ELOVL4: variants seen among roughly 807,000 people sequenced by gnomAD.
ELOVL4 encodes the protein ELOVL fatty acid elongase 4, also known as very long chain fatty acid elongase 4.
A neutral mutation model predicts 42.1 loss-of-function variants in ELOVL4; 18 were observed. The observed-to-expected ratio is 0.43, with a 90% CI of 0.30 to 0.63. The LOEUF is 0.63. Among genes scored for constraint, ELOVL4 ranks in the 30% least tolerant of loss-of-function variants. The probability of loss-of-function intolerance (pLI) is 0.15; values close to 1 mark genes in which losing one functional copy is unlikely to be tolerated. For missense variants in ELOVL4, 299 were observed against 376.2 expected, an observed-to-expected ratio of 0.79 and a Z score of 1.70; for synonymous variants, 117 against 127.0, an observed-to-expected ratio of 0.92 and a Z score of 0.53.
chr6:79,947,102 G>C, intron 1 of ELOVL4, 78 bp downstream of exon 1: 1 of 1,230,494 alleles, frequency 8.1e-7, no homozygotes, highest in Non-Finnish European at 1.2e-6. Flanking sequence ...TGTGGGGCCG[G>C]GCCCGGGAGC....
intron 5 of ELOVL4, among the ~76,000 whole-genome samples, chr6:79,917,674 A>T (rs910712878): frequency 1.3e-5 from 2 of 152,146 alleles, no homozygotes; most frequent in Non-Finnish European, 2.9e-5. Flanking sequence ...ACAAAAAATT[A>T]GCCAGGTGTG....
chr6:79,932,545 CCTT>C (rs759261126), intron 1 of ELOVL4, among the ~76,000 whole-genome samples: 11 of 142,616 alleles, frequency 7.7e-5, no homozygotes, highest in Non-Finnish European at 1.6e-4. Context: ...GAGAGAGACT[CCTT>C]CTCAAAAAAA....
At chr6:79,944,481 A>C (rs2127702872) in intron 1 of ELOVL4, among the ~76,000 whole-genome samples, 1 of 152,350 alleles carries the variant, frequency 6.6e-6, no homozygotes, top group Admixed American at 6.5e-5. Flanking sequence ...CTAAAAGTAT[A>C]GCTCTTTCAA....
intron 1 of ELOVL4, among the ~76,000 whole-genome samples, chr6:79,940,020 G>A (rs1012633488): frequency 2.0e-5 from 3 of 152,114 alleles, no homozygotes; most frequent in African/African-American, 7.2e-5. Flanking sequence ...CATCTGGGTC[G>A]TTTCCACCTC....
intron 1 of ELOVL4, among the ~76,000 whole-genome samples, chr6:79,932,937 G>C (rs1476493206): frequency 6.6e-6 from 1 of 152,138 alleles, no homozygotes; most frequent in Non-Finnish European, 1.5e-5. Context: ...AGGGAGAAAA[G>C]TCTTTTTTCA....
intron 1 of ELOVL4, among the ~76,000 whole-genome samples, chr6:79,938,297 C>T (rs1474462280): frequency 6.6e-6 from 1 of 152,152 alleles, no homozygotes; most frequent in Non-Finnish European, 1.5e-5. Context: ...TGCCAATGAA[C>T]TCAAAGCTTT....
At chr6:79,917,836 A>T (rs1299006401) in intron 5 of ELOVL4, among the ~76,000 whole-genome samples, 2 of 152,228 alleles carry the variant, frequency 1.3e-5, no homozygotes, top group African/African-American at 2.4e-5. Context: ...AAAGAAAAAA[A>T]TAATATTTGG....
At position 79,922,533 on chromosome 6, in the gene ELOVL4, A is replaced by T. The variant is rs542653934; in HGVS notation, c.370-737T>A. Among the ~76,000 whole-genome samples the T allele has an allele frequency of 1.3e-4, 20 of 152,338 alleles. No individual in the cohort carries two copies. The East Asian group carries it at 3.9e-3, about 29-fold the overall frequency. Reference sequence around the variant, plus strand: ...GTGAGAGGTGACCTCTGTATGTTTTAAAATGTTTTACAAGAATCCTACTGT... The same window carrying T: ...GTGAGAGGTGACCTCTGTATGTTTTTAAATGTTTTACAAGAATCCTACTGT... On this transcript the variant is annotated intron_variant, in intron 3 of 5. Transcript: ENST00000369816.
intron 1 of ELOVL4, among the ~76,000 whole-genome samples, chr6:79,928,671 A>T (rs905106988): frequency 5.3e-5 from 8 of 150,754 alleles, no homozygotes; most frequent in Non-Finnish European, 8.9e-5. Context: ...ACAGGAAATA[A>T]CAGAGGCATC....
chr6:79,946,742 G>C (rs1774749471), intron 1 of ELOVL4, among the ~76,000 whole-genome samples: 1 of 152,208 alleles, frequency 6.6e-6, no homozygotes, highest in African/African-American at 2.4e-5. Flanking sequence ...TGTACCTTCA[G>C]CTGCCCCTGA....
chr6:79,926,491 C>G (rs1173230993), intron 1 of ELOVL4, 110 bp from the exon 2 acceptor site: 1 of 1,071,032 alleles, frequency 9.3e-7, no homozygotes, highest in East Asian at 2.6e-5. Flanking sequence ...TGACTAAATA[C>G]GGATCACTGT....
intron 1 of ELOVL4, among the ~76,000 whole-genome samples, chr6:79,939,240 C>T (rs1418872509): frequency 6.6e-6 from 1 of 152,102 alleles, no homozygotes; most frequent in East Asian, 1.9e-4. Flanking sequence ...ATCATTTCTA[C>T]AGGTGCTAAT....
chr6:79,930,132 A>C (rs1428050274), intron 1 of ELOVL4, among the ~76,000 whole-genome samples: 1 of 152,212 alleles, frequency 6.6e-6, no homozygotes, highest in Non-Finnish European at 1.5e-5. Flanking sequence ...TAGTGAATAT[A>C]TGTGCTCTAC....
intron 1 of ELOVL4, among the ~76,000 whole-genome samples, chr6:79,944,198 G>A (rs1561992040): frequency 6.6e-6 from 1 of 152,124 alleles, no homozygotes; most frequent in Non-Finnish European, 1.5e-5. Flanking sequence ...ATAGATTGGG[G>A]AATATTTAGA....
At chr6:79,929,947 A>C (rs895903562) in intron 1 of ELOVL4, among the ~76,000 whole-genome samples, 1 of 152,138 alleles carries the variant, frequency 6.6e-6, no homozygotes, top group Non-Finnish European at 1.5e-5. Flanking sequence ...AGAGTAGATA[A>C]TTTTTTCACA....
intron 1 of ELOVL4, among the ~76,000 whole-genome samples, chr6:79,933,303 T>C (rs1774483558): frequency 6.6e-6 from 1 of 152,184 alleles, no homozygotes; most frequent in Non-Finnish European, 1.5e-5. Flanking sequence ...TGATCTCAGC[T>C]CACTGCAGCC....
intron 1 of ELOVL4, among the ~76,000 whole-genome samples, chr6:79,936,418 C>T (rs1412036489): frequency 6.6e-6 from 1 of 152,056 alleles, no homozygotes; most frequent in Non-Finnish European, 1.5e-5. Context: ...ATTAGTATGT[C>T]ACACTGTACA....
chr6:79,916,518 C>T lies in ELOVL4; in HGVS notation c.*90G>A. 1.3e-6 allele frequency: 2 copies of T among 1,525,192 alleles called. No individual in the cohort carries two copies. Among genetic ancestry groups the T allele is most frequent in the Non-Finnish European group, 1.8e-6 (2 of 1,105,150 alleles). 94.5% of individuals were successfully genotyped at this position (1,525,192 alleles called of 1,614,324 possible). ...CACATTTGTCTTTTCTCCCCACCCC[C>T]AAGCTCTCCTTTGCTTCTGTTTTCC... On this transcript the variant is annotated 3_prime_UTR_variant, in exon 6 of 6. Transcript: ENST00000369816.
At chr6:79,941,718 C>T (rs929867637) in intron 1 of ELOVL4, among the ~76,000 whole-genome samples, 4 of 152,068 alleles carry the variant, frequency 2.6e-5, no homozygotes, top group Non-Finnish European at 4.4e-5. Flanking sequence ...AAACAAAAAC[C>T]TTCTGTAATT....
Sources: allele counts gnomAD v4.1 joint callset (sites outside exome capture counted in the v4.1 genomes callset), GRCh38; gene constraint gnomAD v4.1.1; transcripts MANE v1.5; gene names NCBI Gene and HGNC (gene_info 2026-07-23, HGNC 2026-07-21).